PDSS2: variants seen among roughly 807,000 people sequenced by gnomAD.
The protein encoded by PDSS2 is all trans-polyprenyl-diphosphate synthase PDSS2.
PDSS2 carries 31 observed loss-of-function variants against 44.5 expected under a neutral mutation model. The ratio of observed to expected loss-of-function variants is 0.70; its 90% CI spans 0.52 to 0.94. The LOEUF (loss-of-function observed/expected upper bound fraction) is 0.94, where lower values mean the gene tolerates loss of function less well. Among genes scored for constraint, PDSS2 ranks in the 40% least tolerant of loss-of-function variants. PDSS2 has a pLI of 0.00. For synonymous variants in PDSS2, 157 were observed against 180.3 expected, an observed-to-expected ratio of 0.87 and a Z score of 1.03; for missense variants, 452 against 482.2, an observed-to-expected ratio of 0.94 and a Z score of 0.59.
chr6:107,363,579 C>G (rs1391188417), intron 1 of PDSS2, among the ~76,000 whole-genome samples: 2 of 152,206 alleles, frequency 1.3e-5, no homozygotes, highest in African/African-American at 2.4e-5. Context: ...CTCATAAAAG[C>G]AGCGTGGACC....
intron 1 of PDSS2, among the ~76,000 whole-genome samples, chr6:107,446,397 A>G (rs998608855): frequency 3.3e-5 from 5 of 152,328 alleles, no homozygotes; most frequent in African/African-American, 1.2e-4. Flanking sequence ...CCTTCACCCA[A>G]TGGTGAAATC....
chr6:107,384,261 G>C (rs1779539988), intron 1 of PDSS2, among the ~76,000 whole-genome samples: 1 of 152,132 alleles, frequency 6.6e-6, no homozygotes, highest in Non-Finnish European at 1.5e-5. Flanking sequence ...TAATTAACAG[G>C]TACCGAGGTT....
At chr6:107,384,037 G>A (rs1779532042) in intron 1 of PDSS2, among the ~76,000 whole-genome samples, 1 of 152,104 alleles carries the variant, frequency 6.6e-6, no homozygotes, top group South Asian at 2.1e-4. Flanking sequence ...CTAATCAACT[G>A]TTACACAAAA....
chr6:107,254,671 C>T (rs561971940), intron 3 of PDSS2, among the ~76,000 whole-genome samples: 4 of 152,220 alleles, frequency 2.6e-5, no homozygotes, highest in African/African-American at 9.6e-5. Context: ...AGAGAATTAT[C>T]CTTGCCATTT....
chr6:107,190,036 A>G (rs1360834354), intron 7 of PDSS2, among the ~76,000 whole-genome samples: 1 of 151,846 alleles, frequency 6.6e-6, no homozygotes, highest in Non-Finnish European at 1.5e-5. Flanking sequence ...GTAAGCTATG[A>G]TTGTGACACT....
At chr6:107,402,449 C>CATATATAT in intron 1 of PDSS2, among the ~76,000 whole-genome samples, 2 of 998 alleles carry the variant, frequency 2.0e-3, no homozygotes, top group African/African-American at 4.6e-3. Flanking sequence ...CACACACACA[C>CATATATAT]ACACATATAT....
chr6:107,386,885 A>C (rs555676636), intron 1 of PDSS2, among the ~76,000 whole-genome samples: 1 of 152,330 alleles, frequency 6.6e-6, no homozygotes, highest in African/African-American at 2.4e-5. Flanking sequence ...AACAATGCAA[A>C]ATTAAAGAAA....
At chr6:107,157,211 G>A (rs545329311) in intron 7 of PDSS2, among the ~76,000 whole-genome samples, 2 of 152,116 alleles carry the variant, frequency 1.3e-5, no homozygotes, top group South Asian at 4.2e-4. Flanking sequence ...TTGAGACAGA[G>A]TCTTGCTCTG....
chr6:107,173,583 A>C (rs1255830519), intron 7 of PDSS2, among the ~76,000 whole-genome samples: 2 of 148,120 alleles, frequency 1.4e-5, no homozygotes, highest in Non-Finnish European at 3.0e-5. Context: ...AAAAAAAAAA[A>C]AAAAAAAAAA....
chr6:107,448,216 AT>A (rs1300199712), intron 1 of PDSS2, among the ~76,000 whole-genome samples: 3 of 152,212 alleles, frequency 2.0e-5, no homozygotes, highest in Admixed American at 2.0e-4. Context: ...GGCAATTAGC[AT>A]TTGGCTCCTC....
At chr6:107,251,800 G>T (rs1774829189) in intron 3 of PDSS2, among the ~76,000 whole-genome samples, 2 of 152,102 alleles carry the variant, frequency 1.3e-5, no homozygotes, top group South Asian at 2.1e-4. Context: ...GGCCGATAAA[G>T]GTAACCAGAG....
chr6:107,342,618 T>G (rs185658497), intron 1 of PDSS2, among the ~76,000 whole-genome samples: 1 of 152,294 alleles, frequency 6.6e-6, no homozygotes, highest in Admixed American at 6.5e-5. Flanking sequence ...CTGACTGAAT[T>G]GACTGCTGCA....
chr6:107,292,443 A>G (rs922369327), intron 2 of PDSS2, among the ~76,000 whole-genome samples: 3 of 152,204 alleles, frequency 2.0e-5, no homozygotes, highest in African/African-American at 7.2e-5. Flanking sequence ...CAATCTACAA[A>G]GAAGTAAGAT....
intron 4 of PDSS2, among the ~76,000 whole-genome samples, chr6:107,229,210 G>A (rs1202054799): frequency 2.0e-5 from 3 of 151,914 alleles, no homozygotes; most frequent in East Asian, 1.9e-4. Flanking sequence ...TTTTTGAGAC[G>A]TTGTCTTCCT....
intron 2 of PDSS2, among the ~76,000 whole-genome samples, chr6:107,276,594 T>C (rs1053377448): frequency 6.6e-6 from 1 of 152,100 alleles, no homozygotes. Flanking sequence ...GTTTTGCATA[T>C]GGAAGGAATG....
At chr6:107,381,290 CAATT>C (rs756019043) in intron 1 of PDSS2, among the ~76,000 whole-genome samples, 2 of 152,156 alleles carry the variant, frequency 1.3e-5, no homozygotes, top group African/African-American at 4.8e-5. Flanking sequence ...CATTCATCAT[CAATT>C]GAGACAGAAA....
chr6:107,321,509 C>T (rs1164221964), intron 2 of PDSS2, among the ~76,000 whole-genome samples: 1 of 152,202 alleles, frequency 6.6e-6, no homozygotes, highest in African/African-American at 2.4e-5. Context: ...CGGCTTTTCC[C>T]GGAGTGTCCA....
chr6:107,172,789 CT>C (rs1453983743), intron 7 of PDSS2, among the ~76,000 whole-genome samples: 5 of 146,440 alleles, frequency 3.4e-5, no homozygotes, highest in Admixed American at 6.9e-5. Context: ...TTTTCTTCTT[CT>C]TTTTTTTTTA....
At chr6:107,371,823 G>C (rs182148708) in intron 1 of PDSS2, among the ~76,000 whole-genome samples, 1 of 152,258 alleles carries the variant, frequency 6.6e-6, no homozygotes, top group East Asian at 1.9e-4. Context: ...GAAGGGAAAA[G>C]GCCTAATAGC....
Sources: gnomAD v4.1 joint callset for allele counts (sites outside exome capture counted in the v4.1 genomes callset) on GRCh38, gnomAD v4.1.1 for gene constraint, MANE v1.5 for transcripts, NCBI Gene and HGNC (gene_info 2026-07-23, HGNC 2026-07-21) for gene names.